DMD: variants seen among roughly 807,000 people sequenced by gnomAD.
DMD encodes mutant dystrophin.
In DMD, 63 loss-of-function variants were observed where a neutral mutation model predicts 330.1. That is an observed-to-expected ratio of 0.19 (90% CI 0.16 to 0.24). DMD has a LOEUF of 0.24. DMD is among the 10% of genes least tolerant of loss of function. The pLI is 1.00. For synonymous variants in DMD, 1,223 were observed against 959.8 expected (o/e 1.27, Z -5.07); for missense variants, 3,344 against 2,684.1 (o/e 1.25, Z -5.43).
At chrX:31,266,719 C>T (rs947400215) in intron 62 of DMD, 1 of 964,387 alleles carries the variant, frequency 1.0e-6, no homozygotes, top group Admixed American at 2.5e-5. Flanking sequence ...CGCGCCTGTC[C>T]AAGTTTTGAC....
chrX:32,883,846 A>AAAAAAAAAAAAAAAAAAGAAAAG (rs2084251414), intron 2 of DMD, among the ~76,000 whole-genome samples: 3 of 101,965 alleles, frequency 2.9e-5, no homozygotes, highest in African/African-American at 1.1e-4. Context: ...AAAAAAAAAA[A>AAAAAAAAAAAAAAAAAAGAAAAG]AAAAAGAAAA....
chrX:32,542,369 T>C (rs1308176162), intron 17 of DMD, among the ~76,000 whole-genome samples: 1 of 111,304 alleles, frequency 9.0e-6, no homozygotes, highest in East Asian at 2.8e-4. Context: ...GAGGCGGAGG[T>C]TGCAGTAAGC....
Position 32,171,498 on chromosome X carries a change from G to A in DMD, c.6438+45418C>T, listed in dbSNP as rs759852516. On this transcript the variant is annotated intron_variant, in intron 44 of 78. Transcript: ENST00000357033. ...TTTTTTAATTGACTTTGTCCTTACC[G>A]AATACTAGTGATAGGATTTATAAAG... Among the ~76,000 whole-genome samples, 5 of 110,864 alleles carry A rather than the reference G, an allele frequency of 4.5e-5. No individual in the cohort carries two copies. The South Asian group carries it at 1.9e-3, about 42-fold the overall frequency.
intron 2 of DMD, among the ~76,000 whole-genome samples, chrX:32,902,809 T>C (rs2086380256): frequency 9.0e-6 from 1 of 110,570 alleles, no homozygotes; most frequent in African/African-American, 3.4e-5. Flanking sequence ...TTATAAATTG[T>C]ATGGTGTCTA....
chrX:31,790,586 A>G (rs976500227), intron 50 of DMD, among the ~76,000 whole-genome samples: 2 of 111,816 alleles, frequency 1.8e-5, no homozygotes, highest in Non-Finnish European at 3.8e-5. Flanking sequence ...TTTATACTGT[A>G]CATTCTAAAC....
intron 1 of DMD, among the ~76,000 whole-genome samples, chrX:33,267,582 G>A (rs2053066756): frequency 9.0e-6 from 1 of 111,003 alleles, no homozygotes; most frequent in Non-Finnish European, 1.9e-5. Flanking sequence ...AACAAAATTG[G>A]AGGCATCACA....
At chrX:31,688,321 T>C (rs1376427969) in intron 52 of DMD, among the ~76,000 whole-genome samples, 1 of 108,913 alleles carries the variant, frequency 9.2e-6, no homozygotes, top group Non-Finnish European at 1.9e-5. Flanking sequence ...CAAACTACCA[T>C]CAGAGAATAC....
At chrX:31,378,449 G>A (rs190428872) in intron 60 of DMD, among the ~76,000 whole-genome samples, 96 of 111,382 alleles carry the variant, frequency 8.6e-4, no homozygotes, top group African/African-American at 3.0e-3. Flanking sequence ...TTCTGGTAGA[G>A]ACAGGAGATG....
At chrX:31,723,906 C>A (rs1047344212) in intron 52 of DMD, among the ~76,000 whole-genome samples, 1 of 111,806 alleles carries the variant, frequency 8.9e-6, no homozygotes, top group African/African-American at 3.2e-5. Flanking sequence ...AGCACCTATC[C>A]TAAACTGCCT....
At chrX:33,209,662 T>A (rs1195090111) in intron 1 of DMD, among the ~76,000 whole-genome samples, 14 of 111,279 alleles carry the variant, frequency 1.3e-4, no homozygotes, top group Non-Finnish European at 2.7e-4. Flanking sequence ...CCTGAGTATA[T>A]CTCCGTTTTT....
chrX:33,253,740 T>C (rs997098777), intron 1 of DMD, among the ~76,000 whole-genome samples: 2 of 111,087 alleles, frequency 1.8e-5, no homozygotes, highest in Non-Finnish European at 3.8e-5. Context: ...GAAGTAAAAA[T>C]ATCACCGTCT....
At chrX:32,595,338 A>C (rs761257700) in intron 13 of DMD, among the ~76,000 whole-genome samples, 14 of 111,856 alleles carry the variant, frequency 1.3e-4, no homozygotes, top group Non-Finnish European at 2.6e-4. Context: ...CCACACAAGC[A>C]TCACCTTGGA....
chrX:32,516,805 A>G (rs1361511118), intron 18 of DMD: 3 of 111,588 alleles, frequency 2.7e-5, no homozygotes, highest in Non-Finnish European at 5.7e-5. Flanking sequence ...ACATTTAGCT[A>G]ATTTTCTACA....
chrX:31,256,516 T>C (rs2049969322), intron 63 of DMD, among the ~76,000 whole-genome samples: 1 of 111,095 alleles, frequency 9.0e-6, no homozygotes, highest in South Asian at 3.9e-4. Flanking sequence ...CCATTTTAGA[T>C]CTGTTGGAAA....
chrX:31,149,917 C>A (rs1031840309), intron 74 of DMD, among the ~76,000 whole-genome samples: 2 of 111,555 alleles, frequency 1.8e-5, no homozygotes, highest in Non-Finnish European at 3.8e-5. Context: ...ATCAGAGAAC[C>A]CCTGTATGAT....
intron 1 of DMD, among the ~76,000 whole-genome samples, chrX:33,115,032 C>T (rs897162218): frequency 8.9e-6 from 1 of 112,334 alleles, no homozygotes; most frequent in Admixed American, 9.5e-5. Context: ...ATTGATCCTT[C>T]CACTTCATAC....
chrX:32,787,110 A>T (rs2075418033), intron 7 of DMD, among the ~76,000 whole-genome samples: 1 of 110,825 alleles, frequency 9.0e-6, no homozygotes, highest in Non-Finnish European at 1.9e-5. Context: ...AATGTCTTAC[A>T]AATACTATGA....
intron 44 of DMD, among the ~76,000 whole-genome samples, chrX:32,033,549 T>C: frequency 9.5e-6 from 1 of 105,015 alleles, no homozygotes; most frequent in Non-Finnish European, 1.9e-5. Context: ...TCCAAATTCC[T>C]TGCCAGGGAA....
intron 60 of DMD, among the ~76,000 whole-genome samples, chrX:31,366,510 ATAAAT>A (rs2059265298): frequency 3.0e-5 from 3 of 101,432 alleles, no homozygotes; most frequent in Admixed American, 1.1e-4. Flanking sequence ...AAAAAAAAAA[ATAAAT>A]AAATAAAAAA....
Sources: allele counts gnomAD v4.1 joint callset (sites outside exome capture counted in the v4.1 genomes callset), GRCh38; gene constraint gnomAD v4.1.1; transcripts MANE v1.5; gene names NCBI Gene and HGNC (gene_info 2026-07-23, HGNC 2026-07-21).